The following PDE11A variants were observed in gnomAD, a reference collection of about 807,000 sequenced individuals.
The protein encoded by PDE11A is phosphodiesterase 11A.
In PDE11A, 100 loss-of-function variants were observed where a neutral mutation model predicts 100.5. The ratio of observed to expected loss-of-function variants is 1.00; its 90% CI spans 0.85 to 1.18. PDE11A has a LOEUF of 1.18. Among genes scored for constraint, PDE11A ranks in the 50% most tolerant of loss-of-function variants. The pLI is 0.00. For missense variants in PDE11A, 1,141 were observed against 1,152.6 expected (o/e 0.99, Z 0.15); for synonymous variants, 381 against 420.8 (o/e 0.91, Z 1.16).
At chr2:177,917,191 G>T (rs1175424694) in intron 2 of PDE11A, among the ~76,000 whole-genome samples, 1 of 149,962 alleles carries the variant, frequency 6.7e-6, no homozygotes, top group Non-Finnish European at 1.5e-5. Context: ...CACCCTATAT[G>T]TGCCAAAAAA....
intron 2 of PDE11A, among the ~76,000 whole-genome samples, chr2:177,951,198 A>G (rs187735738): frequency 5.9e-4 from 90 of 152,326 alleles, no homozygotes; most frequent in African/African-American, 2.1e-3. Context: ...TGAAGGAAAG[A>G]AGAATGATAT....
intron 13 of PDE11A, among the ~76,000 whole-genome samples, chr2:177,701,460 GAC>G (rs1296255752): frequency 6.6e-6 from 1 of 152,190 alleles, no homozygotes; most frequent in Non-Finnish European, 1.5e-5. Context: ...TGATGAATTT[GAC>G]ACAGTCTCTG....
At chr2:177,748,625 G>A (rs913337916) in intron 10 of PDE11A, among the ~76,000 whole-genome samples, 1 of 121,144 alleles carries the variant, frequency 8.3e-6, no homozygotes, top group East Asian at 2.8e-4. Flanking sequence ...CTATAGGCAT[G>A]AGACAGCAGT....
chr2:177,642,060 C>T (rs977352916), intron 19 of PDE11A, among the ~76,000 whole-genome samples: 1 of 152,164 alleles, frequency 6.6e-6, no homozygotes, highest in Non-Finnish European at 1.5e-5. Flanking sequence ...TAGTAACCAC[C>T]TACCATATGT....
At chr2:178,013,902 A>T (rs1002529491) in intron 2 of PDE11A, among the ~76,000 whole-genome samples, 2 of 152,162 alleles carry the variant, frequency 1.3e-5, no homozygotes, top group African/African-American at 2.4e-5. Context: ...CTGAGAAAAC[A>T]ATTCTTTGTT....
rs755276336 is a variant in PDE11A, at chr2:177,623,709, A to G, written c.*5698T>C. On this transcript the variant is annotated 3_prime_UTR_variant, in exon 20 of 20. Coordinates refer to ENST00000286063, the MANE Select transcript of PDE11A (RefSeq NM_016953.4). ...ATATAAACGGTGGCACAAATAATAC[A>G]TTTTTCACAGCAAATACTTCATTAC... is the stretch of plus-strand genomic sequence containing the variant. 1 of 152,208 alleles carries G rather than the reference A, an allele frequency of 6.6e-6. No individual in the cohort carries two copies. Among genetic ancestry groups the G allele is most frequent in the Non-Finnish European group, 1.5e-5 (1 of 68,036 alleles). The allele number at this position is 152,208 out of a possible 1,614,324, so 9.4% of individuals were successfully genotyped here.
chr2:177,900,886 G>A (rs1428005778), intron 3 of PDE11A, among the ~76,000 whole-genome samples: 2 of 152,204 alleles, frequency 1.3e-5, no homozygotes, highest in African/African-American at 2.4e-5. Context: ...AACCACCATT[G>A]CAAAATTATA....
chr2:178,056,375 T>G (rs556397881), intron 1 of PDE11A, among the ~76,000 whole-genome samples: 2 of 152,324 alleles, frequency 1.3e-5, no homozygotes, highest in African/African-American at 4.8e-5. Flanking sequence ...CCTGGGTTGC[T>G]GCTGCTAAAA....
intron 4 of PDE11A, among the ~76,000 whole-genome samples, chr2:177,890,126 G>A (rs530562328): frequency 7.1e-4 from 108 of 152,346 alleles, no homozygotes; most frequent in African/African-American, 2.3e-3. Context: ...GAAGTCTCCT[G>A]TGCTTACTGT....
chr2:177,965,793 G>T (rs771067632), intron 2 of PDE11A, among the ~76,000 whole-genome samples: 1 of 152,178 alleles, frequency 6.6e-6, no homozygotes, highest in Non-Finnish European at 1.5e-5. Context: ...CAGGTAGTGT[G>T]AGGCCTCCAG....
At chr2:177,673,620 G>A (rs892671120) in intron 17 of PDE11A, among the ~76,000 whole-genome samples, 1 of 152,186 alleles carries the variant, frequency 6.6e-6, no homozygotes, top group Admixed American at 6.5e-5. Flanking sequence ...CAGAGATCCT[G>A]GACTTAAGAG....
At chr2:177,951,046 T>C (rs958049034) in intron 2 of PDE11A, among the ~76,000 whole-genome samples, 1 of 152,238 alleles carries the variant, frequency 6.6e-6, no homozygotes, top group Non-Finnish European at 1.5e-5. Context: ...ACACAACTAA[T>C]ATTTTACCAA....
intron 13 of PDE11A, among the ~76,000 whole-genome samples, chr2:177,705,873 T>C (rs1004636176): frequency 1.3e-5 from 2 of 152,160 alleles, no homozygotes; most frequent in African/African-American, 2.4e-5. Context: ...TAAGAGATTA[T>C]GCTAGAAATG....
At chr2:177,898,995 C>T (rs899630433) in intron 3 of PDE11A, among the ~76,000 whole-genome samples, 6 of 152,152 alleles carry the variant, frequency 3.9e-5, no homozygotes, top group Non-Finnish European at 7.3e-5. Flanking sequence ...CTTGAATAAA[C>T]TCTTTAAAAC....
chr2:177,954,645 T>G (rs937087083), intron 2 of PDE11A, among the ~76,000 whole-genome samples: 6 of 152,200 alleles, frequency 3.9e-5, no homozygotes, highest in Non-Finnish European at 8.8e-5. Context: ...CCTTAGTTAA[T>G]GCAAGACACA....
intron 5 of PDE11A, among the ~76,000 whole-genome samples, chr2:177,860,428 T>C (rs1049567561): frequency 6.6e-6 from 1 of 151,760 alleles, no homozygotes; most frequent in African/African-American, 2.4e-5. Context: ...AATAAACTTA[T>C]AATAATTAGA....
intron 1 of PDE11A, among the ~76,000 whole-genome samples, chr2:178,071,029 G>A (rs1001234552): frequency 5.9e-5 from 9 of 152,172 alleles, no homozygotes; most frequent in African/African-American, 2.2e-4. Flanking sequence ...ATCTAGAGAA[G>A]GGAACAGGGA....
At chr2:177,635,634 A>G (rs73977681) in intron 19 of PDE11A, among the ~76,000 whole-genome samples, 4,263 of 152,234 alleles carry the variant, frequency 0.028, 198 homozygotes, top group African/African-American at 0.098. Context: ...GCAATATAAA[A>G]TCTCCGTTCT....
intron 19 of PDE11A, among the ~76,000 whole-genome samples, chr2:177,639,736 G>A (rs2080110965): frequency 6.6e-6 from 1 of 152,152 alleles, no homozygotes; most frequent in African/African-American, 2.4e-5. Flanking sequence ...GGCTCAGTTT[G>A]TGCTTATTAG....
Sources: gnomAD v4.1 joint callset for allele counts (sites outside exome capture counted in the v4.1 genomes callset) on GRCh38, gnomAD v4.1.1 for gene constraint, MANE v1.5 for transcripts, NCBI Gene and HGNC (gene_info 2026-07-23, HGNC 2026-07-21) for gene names.